The following CCDC47 variants were observed in gnomAD, a reference collection of about 807,000 sequenced individuals.
CCDC47 encodes the protein coiled-coil domain containing 47.
Under a neutral mutation model 60.5 loss-of-function variants are expected in CCDC47, and 41 were observed. That is an observed-to-expected ratio of 0.68 (90% CI 0.53 to 0.88). The LOEUF is 0.88. CCDC47 is among the 40% of genes least tolerant of loss of function. The pLI is 0.00. For synonymous variants in CCDC47, 195 were observed against 190.7 expected, an observed-to-expected ratio of 1.02 and a Z score of -0.18; for missense variants, 513 against 580.9, an observed-to-expected ratio of 0.88 and a Z score of 1.20.
chr17:63,756,659 G>T (rs372609772), intron 6 of CCDC47, 89 bp from the exon 7 acceptor site: 3 of 824,522 alleles, frequency 3.6e-6, no homozygotes, highest in Admixed American at 4.2e-5. Flanking sequence ...TTCCCTCCCC[G>T]CTGGTGCATA....
At chr17:63,757,550 T>G (rs2039216890) in intron 6 of CCDC47, among the ~76,000 whole-genome samples, 1 of 152,108 alleles carries the variant, frequency 6.6e-6, no homozygotes, top group Non-Finnish European at 1.5e-5. Flanking sequence ...CATGCTGCAC[T>G]TCTGACCTGC....
At chr17:63,761,828 C>T in intron 4 of CCDC47, 2 of 978,782 alleles carry the variant, frequency 2.0e-6, no homozygotes, top group Non-Finnish European at 2.4e-6. Context: ...AATAGATTAG[C>T]ACTGTTCGTT....
At chr17:63,772,941 A>G (rs8076717) in intron 1 of CCDC47, 35,530 of 152,170 alleles carry the variant, frequency 0.23, 4,340 homozygotes, top group Middle Eastern at 0.34. Flanking sequence ...CTGCAAGCTC[A>G]TCCAATAGTT....
intron 1 of CCDC47, among the ~76,000 whole-genome samples, chr17:63,771,013 A>AAAGGAAGGAAGGAAGGAAGGAAGGAAGG (rs775583739): frequency 2.7e-5 from 3 of 110,178 alleles, no homozygotes; most frequent in Non-Finnish European, 5.4e-5. Flanking sequence ...AGAAAGAAAG[A>AAAGGAAGGAAGGAAGGAAGGAAGGAAGG]AAGGAAGGAA....
intron 9 of CCDC47, 81 bp from the exon 10 acceptor site, chr17:63,752,880 T>G: frequency 7.1e-6 from 11 of 1,547,010 alleles, no homozygotes; most frequent in Non-Finnish European, 8.7e-6. Context: ...TACACTTAGA[T>G]GAACAGATAC....
At chr17:63,756,864 T>C (rs1212577869) in intron 6 of CCDC47, among the ~76,000 whole-genome samples, 1 of 152,006 alleles carries the variant, frequency 6.6e-6, no homozygotes, top group East Asian at 1.9e-4. Context: ...AAAGTCAAAA[T>C]ATGAAAGGGC....
In CCDC47 at chr17:63,766,870, T is replaced by C. The variant is rs2039301737; in HGVS notation, c.-19-676A>G. The C allele has an allele frequency of 1.3e-5, 13 of 980,558 alleles. No individual in the cohort carries two copies. In the South Asian group the frequency reaches 5.7e-4, roughly 43 times the overall value. The allele number at this position is 980,558 out of a possible 1,614,324, so 60.7% of individuals were successfully genotyped here. ...AAAATGAAGGAATAAGATGTAGCTA[T>C]TTATCTGTTAGTGGTAACAAGAATA... On this transcript the variant is annotated intron_variant, in intron 1 of 12. Coordinates refer to ENST00000225726, the MANE Select transcript of CCDC47 (RefSeq NM_020198.3).
At chr17:63,759,191 T>C (rs1401972855) in intron 6 of CCDC47, among the ~76,000 whole-genome samples, 1 of 151,772 alleles carries the variant, frequency 6.6e-6, no homozygotes, top group Non-Finnish European at 1.5e-5. Flanking sequence ...ATGAGATCTT[T>C]AAAATATAAC....
At position 63,759,836 on chromosome 17, in the gene CCDC47, C is replaced by T. The variant is rs569329224; in HGVS notation, c.735+1078G>A. ...ATCCCAGCACTCTGGGAGGCCAACA[C>T]GGGCGGATCACGAGGTCAGGAGATC... On this transcript the variant is annotated intron_variant, in intron 6 of 12. Coordinates refer to ENST00000225726, the MANE Select transcript of CCDC47 (RefSeq NM_020198.3). 2.6e-5 allele frequency among the ~76,000 whole-genome samples: 4 copies of T among 150,976 alleles called. No individual in the cohort carries two copies. In the East Asian group the frequency reaches 5.9e-4, roughly 22 times the overall value.
chr17:63,767,723 A>C (rs2039307398), intron 1 of CCDC47, among the ~76,000 whole-genome samples: 1 of 152,122 alleles, frequency 6.6e-6, no homozygotes, highest in Non-Finnish European at 1.5e-5. Flanking sequence ...TTTTAAAAAA[A>C]ACTTTAAAAC....
intron 12 of CCDC47, chr17:63,747,604 A>G: frequency 1.0e-6 from 1 of 984,046 alleles, no homozygotes; most frequent in African/African-American, 1.7e-5. Context: ...AAGTCAAAGT[A>G]TGACTTCACT....
chr17:63,771,647 T>G (rs2039342641), intron 1 of CCDC47, among the ~76,000 whole-genome samples: 1 of 152,226 alleles, frequency 6.6e-6, no homozygotes, highest in South Asian at 2.1e-4. Flanking sequence ...GGGTCTTCAG[T>G]CCTCTAAATT....
At position 63,746,925 on chromosome 17, in the gene CCDC47, T is replaced by C; in HGVS notation, c.1408A>G (p.Lys470Glu). ...ATTTGTTTCATTTTCATTTGCTTCT[T>C]TTCCAACTTCTTTTGCTCACGCCTC... ...ALRREQKKLE[K>E]KQMKMKQIKV... Residue 470 changes from lysine to glutamate, a missense_variant, in exon 13 of 13, where the codon AAG becomes GAG. Physicochemically the swap from Lys to Glu is moderately conservative, Grantham distance 56 (BLOSUM62 1). Transcript: ENST00000225726. 6.2e-7 allele frequency: 1 copy of C among 1,613,802 alleles called. No homozygotes were observed. The highest frequency in any genetic ancestry group is 8.5e-7 in the Non-Finnish European group (1 of 1,179,830).
intron 1 of CCDC47, chr17:63,766,788 A>G (rs1598311741): frequency 2.1e-6 from 2 of 963,784 alleles, no homozygotes; most frequent in Non-Finnish European, 2.5e-6. Context: ...AGAGTATTCA[A>G]TAAGCATTTT....
rs572294819 is a variant in CCDC47 at position 63,760,217 on chromosome 17, C to T, written c.735+697G>A. On this transcript the variant is annotated intron_variant, in intron 6 of 12. Transcript: ENST00000225726. ...TGACTGGAGCTTATTCGGCCAGAAA[C>T]GTATTATTTGAAGCAAAACATATTT... Among the ~76,000 whole-genome samples, 84 of 151,920 alleles carry T rather than the reference C, an allele frequency of 5.5e-4. 1 individual carries two copies. The South Asian group carries it at 0.017, about 31-fold the overall frequency.
intron 2 of CCDC47, chr17:63,765,120 C>CCACACACACACACACACACACA (rs56697502): frequency 2.0e-5 from 3 of 150,094 alleles, no homozygotes; most frequent in East Asian, 2.0e-4. Context: ...AGTATTCTCA[C>CCACACACACACACACACACACA]CACACACACA....
intron 6 of CCDC47, among the ~76,000 whole-genome samples, chr17:63,758,812 G>A (rs147300421): frequency 5.3e-5 from 8 of 152,252 alleles, no homozygotes; most frequent in Admixed American, 5.2e-4. Context: ...TAAGATGGCA[G>A]CTGTAAAAGA....
At position 63,759,532 on chromosome 17, in the gene CCDC47, TA is replaced by T. The variant is rs1568249143; in HGVS notation, c.735+1381del. On this transcript the variant is annotated intron_variant, in intron 6 of 12. Transcript: ENST00000225726. Reference sequence around the variant, plus strand: ...AAATATATATATATATATATTTATATATATATATATATATATATATATATAT... The same window carrying T: ...AAATATATATATATATATATTTATATTATATATATATATATATATATATAT... Among the ~76,000 whole-genome samples the T allele has an allele frequency of 9.1e-4, 4 of 4,384 alleles. 1 individual carries two copies. In the East Asian group the frequency reaches 0.013, roughly 15 times the overall value. 2.9% of individuals were successfully genotyped at this position (4,384 alleles called of 152,430 possible). A position where few individuals can be genotyped will look rare whatever the true frequency, so the allele number is the denominator to read the frequency against.
intron 4 of CCDC47, 88 bp downstream of exon 4, chr17:63,763,928 G>A: frequency 1.1e-6 from 1 of 933,304 alleles, no homozygotes; most frequent in Non-Finnish European, 1.5e-6. Flanking sequence ...TTCCATGAAA[G>A]CAGTTAGATG....
Sources: allele counts gnomAD v4.1 joint callset (sites outside exome capture counted in the v4.1 genomes callset), GRCh38; gene constraint gnomAD v4.1.1; transcripts MANE v1.5; gene names NCBI Gene and HGNC (gene_info 2026-07-23, HGNC 2026-07-21).